The following SRGAP3 variants were observed in gnomAD, a reference collection of about 807,000 sequenced individuals.
The protein encoded by SRGAP3 is SLIT-ROBO Rho GTPase-activating protein 3.
SRGAP3 carries 39 observed loss-of-function variants against 121.1 expected under a neutral mutation model. The observed-to-expected ratio is 0.32, with a 90% CI of 0.25 to 0.42. SRGAP3 has a LOEUF of 0.42. SRGAP3 is among the 10% of genes least tolerant of loss of function. The pLI is 1.00. For missense variants in SRGAP3, 1,213 were observed against 1,470.6 expected (o/e 0.82, Z 2.86); for synonymous variants, 601 against 570.0 (o/e 1.05, Z -0.77).
rs145381684 is a variant in SRGAP3, at chr3:9,264,283, C to T, written n.442+61727G>A. Among the ~76,000 whole-genome samples the T allele has an allele frequency of 3.6e-3, 550 of 152,190 alleles. 4 individuals are homozygous for T. The highest frequency in any genetic ancestry group is 0.012 in the African/African-American group (511 of 41,528). Reference sequence around the variant, plus strand: ...AGTATCATACTGAATGGGCAAAAGCCGGAAGCATTCCCTTTGAAAACTGGC... The same window carrying T: ...AGTATCATACTGAATGGGCAAAAGCTGGAAGCATTCCCTTTGAAAACTGGC... On this transcript the variant is annotated intron_variant and non_coding_transcript_variant, in intron 3 of 3. Transcript: ENST00000490889.
chr3:9,185,638 C>T (rs543081244), intron 1 of SRGAP3, among the ~76,000 whole-genome samples: 87 of 152,042 alleles, frequency 5.7e-4, no homozygotes, highest in Middle Eastern at 3.4e-3. Flanking sequence ...CTCAATCAAT[C>T]CTCCTTCTTC....
intron 18 of SRGAP3, among the ~76,000 whole-genome samples, chr3:8,998,739 A>G (rs994981733): frequency 6.6e-6 from 1 of 152,162 alleles, no homozygotes; most frequent in Non-Finnish European, 1.5e-5. Flanking sequence ...ACAGGCACTC[A>G]ATACATATTT....
Position 9,227,986 on chromosome 3 carries a change from CAT to C in SRGAP3, c.67+20897_67+20898del, listed in dbSNP as rs148795315. 1.3e-3 allele frequency among the ~76,000 whole-genome samples: 195 copies of C among 152,278 alleles called. 3 individuals carry two copies. In the East Asian group the frequency reaches 0.022, roughly 17 times the overall value. The stretch of plus-strand genomic sequence containing the variant: ...GTCGGAGGCAGTTTTCCATCACAGA[CAT>C]AGAATGGTTTGTTATGCTGTCATGC... On this transcript the variant is annotated intron_variant, in intron 1 of 21. Coordinates refer to ENST00000383836, the MANE Select transcript of SRGAP3 (RefSeq NM_014850.4).
At chr3:9,254,659 G>C (rs1406946246), upstream of SRGAP3, among the ~76,000 whole-genome samples, 1 of 152,084 alleles carries the variant, frequency 6.6e-6, no homozygotes, top group Non-Finnish European at 1.5e-5. Context: ...AGCCAAGCGT[G>C]GTGGTCCATG....
intron 1 of SRGAP3, among the ~76,000 whole-genome samples, chr3:9,138,862 G>C (rs1024934781): frequency 6.6e-6 from 1 of 152,100 alleles, no homozygotes; most frequent in Non-Finnish European, 1.5e-5. Context: ...ATTATGAATG[G>C]GCAAATATTA....
intron 1 of SRGAP3, among the ~76,000 whole-genome samples, chr3:9,341,784 C>A (rs563032194): frequency 6.6e-6 from 1 of 152,250 alleles, no homozygotes; most frequent in African/African-American, 2.4e-5. Flanking sequence ...CAGGTGTGAG[C>A]CACCGCACCG....
At chr3:9,013,047 C>G (rs1298200635) in intron 17 of SRGAP3, among the ~76,000 whole-genome samples, 1 of 152,070 alleles carries the variant, frequency 6.6e-6, no homozygotes, top group Non-Finnish European at 1.5e-5. Context: ...AAGATATATC[C>G]CCAGACTTTT....
chr3:9,141,239 A>G (rs538458960), intron 1 of SRGAP3, among the ~76,000 whole-genome samples: 1 of 152,266 alleles, frequency 6.6e-6, no homozygotes, highest in East Asian at 1.9e-4. Flanking sequence ...GGACAGAGCC[A>G]CTAATCTTCA....
At chr3:9,189,659 T>C (rs1318249288) in intron 1 of SRGAP3, among the ~76,000 whole-genome samples, 3 of 152,224 alleles carry the variant, frequency 2.0e-5, no homozygotes, top group Non-Finnish European at 2.9e-5. Context: ...AGGAGGGCTA[T>C]ATTCAGAATA....
chr3:9,083,816 C>G (rs962401962), intron 3 of SRGAP3, among the ~76,000 whole-genome samples: 2 of 152,120 alleles, frequency 1.3e-5, no homozygotes, highest in Admixed American at 1.3e-4. Flanking sequence ...CTCCCTCACA[C>G]GCTCCTGACT....
chr3:9,093,875 T>A (rs1417929849), intron 3 of SRGAP3, among the ~76,000 whole-genome samples: 1 of 152,206 alleles, frequency 6.6e-6, no homozygotes, highest in East Asian at 1.9e-4. Flanking sequence ...CCCAAAGGCT[T>A]CCTTGACCTG....
chr3:9,124,668 T>G, intron 2 of SRGAP3, 57 bp downstream of exon 2: 2 of 1,608,972 alleles, frequency 1.2e-6, no homozygotes, highest in Middle Eastern at 1.7e-4. Context: ...TGCCACCAAC[T>G]GTCCGCCCAC....
At chr3:9,274,195 G>T (rs542974806) in intron 3 of SRGAP3, among the ~76,000 whole-genome samples, 1 of 152,318 alleles carries the variant, frequency 6.6e-6, no homozygotes, top group South Asian at 2.1e-4. Context: ...ATCCTGGTGG[G>T]TGACTTTGTG....
intron 18 of SRGAP3, 50 bp from the exon 19 acceptor site, chr3:8,994,573 G>C: frequency 6.2e-7 from 1 of 1,601,978 alleles, no homozygotes; most frequent in Non-Finnish European, 8.5e-7. Flanking sequence ...CAAAGTGGCA[G>C]CTCAGGAGCC....
chr3:9,204,124 A>G (rs922062504), intron 1 of SRGAP3, among the ~76,000 whole-genome samples: 7 of 152,224 alleles, frequency 4.6e-5, no homozygotes, highest in Admixed American at 6.5e-5. Flanking sequence ...GAATGAATGA[A>G]ACCATCAAAC....
chr3:9,136,196 G>A (rs891830443), intron 1 of SRGAP3, among the ~76,000 whole-genome samples: 1 of 152,156 alleles, frequency 6.6e-6, no homozygotes, highest in Middle Eastern at 3.2e-3. Flanking sequence ...TCTAGGCCCT[G>A]CACAAAAGAC....
chr3:9,037,224 C>T (rs563034467), intron 11 of SRGAP3: 3 of 152,286 alleles, frequency 2.0e-5, no homozygotes, highest in South Asian at 2.1e-4. Context: ...GCTCTACTGC[C>T]GTGTGATGGA....
intron 3 of SRGAP3, among the ~76,000 whole-genome samples, chr3:9,275,053 C>T (rs1438169908): frequency 2.0e-5 from 3 of 152,166 alleles, no homozygotes; most frequent in African/African-American, 7.2e-5. Context: ...GGAACCCTCA[C>T]CAGGGACCTG....
intron 1 of SRGAP3, among the ~76,000 whole-genome samples, chr3:9,223,295 T>G (rs1952875627): frequency 1.3e-5 from 2 of 152,184 alleles, no homozygotes; most frequent in Admixed American, 1.3e-4. Context: ...TATCACCTGG[T>G]TTTTACAGGA....
Sources: gnomAD v4.1 joint callset for allele counts (sites outside exome capture counted in the v4.1 genomes callset) on GRCh38, gnomAD v4.1.1 for gene constraint, MANE v1.5 for transcripts, NCBI Gene and HGNC (gene_info 2026-07-23, HGNC 2026-07-21) for gene names.